NREP: variants seen among roughly 807,000 people sequenced by gnomAD.
NREP encodes the protein neuronal regeneration-related protein.
In NREP, 5 loss-of-function variants were observed where a neutral mutation model predicts 8.6. The ratio of observed to expected loss-of-function variants is 0.58; its 90% CI spans 0.30 to 1.22. The LOEUF (loss-of-function observed/expected upper bound fraction) is 1.22. Ranked by LOEUF, NREP falls within the 50% of genes most tolerant of loss-of-function variation. NREP has a pLI of 0.07. For missense variants in NREP, 86 were observed against 82.5 expected (o/e 1.04, Z -0.17); for synonymous variants, 27 against 28.0 (o/e 0.96, Z 0.11).
chr5:111,828,264 A>G (rs1002386455), intron 2 of NREP, among the ~76,000 whole-genome samples: 1 of 152,070 alleles, frequency 6.6e-6, no homozygotes, highest in African/African-American at 2.4e-5. Flanking sequence ...TCTCAACCTC[A>G]AGTGATCCAC....
At chr5:111,841,229 C>A (rs894875096) in intron 2 of NREP, among the ~76,000 whole-genome samples, 2 of 152,060 alleles carry the variant, frequency 1.3e-5, no homozygotes, top group Non-Finnish European at 2.9e-5. Context: ...CAGAATTGTG[C>A]CCCTGAAAGC....
At chr5:111,966,225 T>C (rs1456379527) in intron 2 of NREP, among the ~76,000 whole-genome samples, 1 of 152,220 alleles carries the variant, frequency 6.6e-6, no homozygotes, top group Non-Finnish European at 1.5e-5. Context: ...GAATTTGTCT[T>C]TAAGAAATTA....
chr5:111,830,387 A>G (rs1752736404), intron 2 of NREP, among the ~76,000 whole-genome samples: 1 of 152,230 alleles, frequency 6.6e-6, no homozygotes, highest in South Asian at 2.1e-4. Flanking sequence ...GGAAGAGTCA[A>G]TCCTAAATCA....
At chr5:111,749,860 A>G (rs917845222) in intron 2 of NREP, among the ~76,000 whole-genome samples, 1 of 152,210 alleles carries the variant, frequency 6.6e-6, no homozygotes, top group Non-Finnish European at 1.5e-5. Context: ...CCTTCTAGCT[A>G]GAGACCTTTC....
chr5:111,733,708 C>G (rs932409993), intron 3 of NREP: 7 of 152,206 alleles, frequency 4.6e-5, no homozygotes, highest in African/African-American at 1.7e-4. Context: ...CGTATTTGTG[C>G]CAACAGAGCT....
chr5:111,806,144 G>T (rs916926050), intron 2 of NREP, among the ~76,000 whole-genome samples: 2 of 152,090 alleles, frequency 1.3e-5, no homozygotes, highest in African/African-American at 2.4e-5. Flanking sequence ...AAAGCTAGGG[G>T]TTAGGCTTAG....
intron 2 of NREP, among the ~76,000 whole-genome samples, chr5:111,936,509 A>G (rs917365905): frequency 1.3e-5 from 2 of 152,094 alleles, no homozygotes; most frequent in Non-Finnish European, 2.9e-5. Flanking sequence ...ATAGTAGTGT[A>G]AAAATGGACT....
chr5:111,812,198 G>C (rs1323925616), intron 2 of NREP, among the ~76,000 whole-genome samples: 1 of 152,122 alleles, frequency 6.6e-6, no homozygotes, highest in Non-Finnish European at 1.5e-5. Flanking sequence ...GAGGTGGGAA[G>C]ACTGCTTGAG....
intron 2 of NREP, among the ~76,000 whole-genome samples, chr5:111,881,703 A>G (rs1754077624): frequency 6.6e-6 from 1 of 152,220 alleles, no homozygotes; most frequent in South Asian, 2.1e-4. Context: ...CCACCTCTGC[A>G]GATACCCCGG....
At chr5:111,927,195 C>G (rs2112591107) in intron 2 of NREP, among the ~76,000 whole-genome samples, 2 of 152,206 alleles carry the variant, frequency 1.3e-5, no homozygotes, top group South Asian at 4.1e-4. Context: ...TCTCCTGCGC[C>G]ACTGAGGCCT....
chr5:111,840,765 A>G (rs1166880722), intron 2 of NREP, among the ~76,000 whole-genome samples: 1 of 152,202 alleles, frequency 6.6e-6, no homozygotes, highest in Non-Finnish European at 1.5e-5. Flanking sequence ...AGTCAAGGAG[A>G]TAAACATGTA....
intron 2 of NREP, among the ~76,000 whole-genome samples, chr5:111,766,971 T>G (rs1751099517): frequency 6.6e-6 from 1 of 152,264 alleles, no homozygotes; most frequent in African/African-American, 2.4e-5. Context: ...TTTTACAGTT[T>G]TAAATGTCCT....
At chr5:111,845,452 T>C (rs1753139044) in intron 2 of NREP, among the ~76,000 whole-genome samples, 1 of 152,182 alleles carries the variant, frequency 6.6e-6, no homozygotes, top group Non-Finnish European at 1.5e-5. Flanking sequence ...TCTGAAGGCA[T>C]ATTTGTTACT....
intron 2 of NREP, among the ~76,000 whole-genome samples, chr5:111,780,864 A>G (rs543328309): frequency 6.6e-6 from 1 of 151,552 alleles, no homozygotes; most frequent in South Asian, 2.1e-4. Context: ...CATTGCCATC[A>G]AGAAATAGAG....
intron 2 of NREP, among the ~76,000 whole-genome samples, chr5:111,960,651 G>C (rs1756453955): frequency 6.6e-6 from 1 of 152,162 alleles, no homozygotes; most frequent in African/African-American, 2.4e-5. Context: ...GAGCCCACTT[G>C]AATTGGCTCA....
At chr5:111,883,067 G>A (rs1181033039) in intron 2 of NREP, among the ~76,000 whole-genome samples, 2 of 152,216 alleles carry the variant, frequency 1.3e-5, no homozygotes, top group Non-Finnish European at 2.9e-5. Flanking sequence ...TCAGTGTGCT[G>A]TATTCAGGAA....
chr5:111,785,502 T>C (rs1751588834), intron 2 of NREP, among the ~76,000 whole-genome samples: 1 of 152,080 alleles, frequency 6.6e-6, no homozygotes, highest in South Asian at 2.1e-4. Flanking sequence ...ATGGTCTTGA[T>C]CTCCTGGCCT....
rs541662919 is a variant in NREP at position 111,813,332 on chromosome 5, C to A, written c.136-77825G>T. 4.4e-4 allele frequency among the ~76,000 whole-genome samples: 67 copies of A among 152,228 alleles called. 1 individual carries two copies. The highest frequency in any genetic ancestry group is 1.6e-3 in the African/African-American group (65 of 41,556). On this transcript the variant is annotated intron_variant, in intron 2 of 3. Coordinates refer to the NREP transcript ENST00000395634. ...TGTTGTTACAGTTTCAATAAATAATCTTAATAACACTTATAATATTTTTCC... is the reference window on the plus strand; with the variant it reads ...TGTTGTTACAGTTTCAATAAATAATATTAATAACACTTATAATATTTTTCC...
At chr5:111,804,925 C>T (rs544903252) in intron 2 of NREP, among the ~76,000 whole-genome samples, 75 of 152,236 alleles carry the variant, frequency 4.9e-4, no homozygotes, top group African/African-American at 1.7e-3. Flanking sequence ...GGCGTGAACC[C>T]GGGAGGCAGA....
Sources: gnomAD v4.1 joint callset for allele counts (sites outside exome capture counted in the v4.1 genomes callset) on GRCh38, gnomAD v4.1.1 for gene constraint, MANE v1.5 for transcripts, NCBI Gene and HGNC (gene_info 2026-07-23, HGNC 2026-07-21) for gene names.